Variants in EYA4 observed in about 807,000 individuals in gnomAD.
The protein encoded by EYA4 is EYA transcriptional coactivator and phosphatase 4, also known as protein phosphatase EYA4.
EYA4 carries 31 observed loss-of-function variants against 87.9 expected under a neutral mutation model. That is an observed-to-expected ratio of 0.35 (90% CI 0.27 to 0.48). The LOEUF (loss-of-function observed/expected upper bound fraction) is 0.48, where lower values mean the gene tolerates loss of function less well. Ranked by LOEUF, EYA4 falls within the 20% of genes least tolerant of loss-of-function variation. The probability of loss-of-function intolerance (pLI) is 0.99; values close to 1 mark genes in which losing one functional copy is unlikely to be tolerated. For synonymous variants in EYA4, 263 were observed against 270.6 expected (o/e 0.97, Z 0.28); for missense variants, 678 against 761.4 (o/e 0.89, Z 1.29).
At chr6:133,244,627 T>TA (rs5880167) in intron 1 of EYA4, among the ~76,000 whole-genome samples, 37,379 of 145,432 alleles carry the variant, frequency 0.26, 4,827 homozygotes, top group Non-Finnish European at 0.27. Flanking sequence ...CTCTTTGGGT[T>TA]AAAAAAAAAA....
intron 3 of EYA4, among the ~76,000 whole-genome samples, chr6:133,385,408 T>G: frequency 7.0e-6 from 1 of 142,254 alleles, no homozygotes; most frequent in South Asian, 2.2e-4. Context: ...TGTGTGTGTG[T>G]GTGTGTGTGT....
chr6:133,309,274 A>G (rs1266167907), intron 2 of EYA4, among the ~76,000 whole-genome samples: 2 of 152,234 alleles, frequency 1.3e-5, no homozygotes, highest in Admixed American at 6.5e-5. Context: ...AAGATATTGA[A>G]GTTGAGGTTT....
At chr6:133,510,248 A>G (rs3777885) in intron 14 of EYA4, 4,525 of 153,892 alleles carry the variant, frequency 0.029, 259 homozygotes, top group East Asian at 0.18. Flanking sequence ...AGGGAAATTT[A>G]CAAGGATTCC....
chr6:133,311,539 A>T (rs1780218971), intron 2 of EYA4, among the ~76,000 whole-genome samples: 1 of 151,540 alleles, frequency 6.6e-6, no homozygotes, highest in African/African-American at 2.4e-5. Context: ...GGCTGGTCTC[A>T]AAAACCTGGG....
chr6:133,408,793 AC>A (rs1436322888), intron 3 of EYA4, among the ~76,000 whole-genome samples: 1 of 152,204 alleles, frequency 6.6e-6, no homozygotes, highest in Non-Finnish European at 1.5e-5. Context: ...CATGGTATTC[AC>A]CAGACAAGAA....
chr6:133,404,454 C>T (rs1036382672), intron 3 of EYA4, among the ~76,000 whole-genome samples: 2 of 152,076 alleles, frequency 1.3e-5, no homozygotes, highest in Non-Finnish European at 1.5e-5. Context: ...AGTAGCTACT[C>T]CTAGTTTAAT....
rs1792870627 is a variant in EYA4 at position 133,446,630 on chromosome 6, G to T, written c.84G>T (p.Arg28Ser). The T allele has an allele frequency of 6.2e-7, 1 of 1,613,910 alleles. No individual in the cohort carries two copies. The highest frequency in any genetic ancestry group is 8.5e-7 in the Non-Finnish European group (1 of 1,179,898). The change falls in exon 4 of 20, where the codon AGG becomes AGT. Residue 28 changes from arginine (R) to serine (S), a missense_variant and splice_region_variant. Coordinates refer to ENST00000355286, the MANE Select transcript of EYA4 (RefSeq NM_004100.5). ...ESDVSQSQNS[R>S]SMEMQDLASP... ...TCTCTGCTGCTTACTGCTCTACCAG[G>T]TCTATGGAAATGCAGGACCTAGCAA...
At chr6:133,288,121 G>A (rs1778213793) in intron 2 of EYA4, among the ~76,000 whole-genome samples, 1 of 150,070 alleles carries the variant, frequency 6.7e-6, no homozygotes, top group African/African-American at 2.4e-5. Flanking sequence ...GCGACAGAGT[G>A]AGACTCCATT....
chr6:133,415,482 C>G (rs1189686701), intron 3 of EYA4, among the ~76,000 whole-genome samples: 1 of 152,162 alleles, frequency 6.6e-6, no homozygotes, highest in African/African-American at 2.4e-5. Context: ...GACGTGCCTC[C>G]TCTCACAGCC....
intron 3 of EYA4, among the ~76,000 whole-genome samples, chr6:133,443,668 C>A (rs956188323): frequency 5.9e-5 from 9 of 152,050 alleles, no homozygotes; most frequent in Non-Finnish European, 1.0e-4. Context: ...GTATAAACTT[C>A]TCATTAATCA....
chr6:133,529,766 C>CT lies in EYA4; in HGVS notation c.*963dup. On this transcript the variant is annotated 3_prime_UTR_variant, in exon 20 of 20. Transcript: ENST00000355286. ...TTTGGGAAAGACTGTGGGACCTTTA[C>CT]TTAGAAAGTGAAATGTATGTAGAAG... The CT allele has an allele frequency of 1.0e-6, 1 of 985,040 alleles. No homozygotes were observed. The highest frequency in any genetic ancestry group is 1.2e-6 in the Non-Finnish European group (1 of 829,622). The allele number at this position is 985,040 out of a possible 1,614,324, so 61.0% of individuals were successfully genotyped here. A position where few individuals can be genotyped will look rare whatever the true frequency, so the allele number is the denominator to read the frequency against.
intron 2 of EYA4, among the ~76,000 whole-genome samples, chr6:133,363,829 T>C (rs1784654909): frequency 1.3e-5 from 2 of 152,152 alleles, no homozygotes; most frequent in African/African-American, 4.8e-5. Flanking sequence ...GTCATACTCA[T>C]TGAATAACAA....
chr6:133,381,327 TTTTGTGAGTTTG>T (rs2128479121), intron 2 of EYA4, among the ~76,000 whole-genome samples: 1 of 152,158 alleles, frequency 6.6e-6, no homozygotes, highest in Non-Finnish European at 1.5e-5. Flanking sequence ...AATGTAGGGT[TTTTGTGAGTTTG>T]TTTGTTAAGG....
intron 13 of EYA4, among the ~76,000 whole-genome samples, chr6:133,488,054 G>A (rs928047085): frequency 6.6e-6 from 1 of 152,308 alleles, no homozygotes; most frequent in Admixed American, 6.5e-5. Flanking sequence ...CAAGCTGACT[G>A]AAGAGCCCTT....
intron 2 of EYA4, among the ~76,000 whole-genome samples, chr6:133,336,638 A>G (rs990202794): frequency 6.6e-6 from 1 of 152,202 alleles, no homozygotes; most frequent in Non-Finnish European, 1.5e-5. Flanking sequence ...CCTTCTTAGT[A>G]CAATTGGAGA....
chr6:133,297,798 T>C (rs1160909781), intron 2 of EYA4, among the ~76,000 whole-genome samples: 4 of 152,242 alleles, frequency 2.6e-5, no homozygotes, highest in Non-Finnish European at 5.9e-5. Context: ...CTTGCTGACA[T>C]GCAACGTTGT....
intron 18 of EYA4, among the ~76,000 whole-genome samples, chr6:133,524,069 T>A (rs1339094567): frequency 6.6e-6 from 1 of 152,142 alleles, no homozygotes. Flanking sequence ...AGAGCCAAGC[T>A]TCCGTAGAGT....
rs1251670089 is a variant in EYA4 at position 133,531,385 on chromosome 6, CT to C, written c.*2581del. ...ATAGAAAATCCTCTTCCTTTCTAAT[CT>C]GAAAAACGAAAACTGAACAAACACA... On this transcript the variant is annotated 3_prime_UTR_variant, in exon 20 of 20. Transcript: ENST00000355286. 5 of 592,842 alleles carry C rather than the reference CT, an allele frequency of 8.4e-6. No homozygotes were observed. Among genetic ancestry groups the C allele is most frequent in the African/African-American group, 3.7e-5 (2 of 53,354 alleles). 36.7% of individuals were successfully genotyped at this position (592,842 alleles called of 1,614,324 possible). A position where few individuals can be genotyped will look rare whatever the true frequency, so the allele number is the denominator to read the frequency against.
In EYA4 at chr6:133,531,101, C is replaced by A; in HGVS notation, c.*2296C>A. 2 of 1,481,962 alleles carry A rather than the reference C, an allele frequency of 1.3e-6. No homozygotes were observed. The highest frequency in any genetic ancestry group is 2.6e-5 in the South Asian group (2 of 75,644). The allele number at this position is 1,481,962 out of a possible 1,614,324, so 91.8% of individuals were successfully genotyped here. A position where few individuals can be genotyped will look rare whatever the true frequency, so the allele number is the denominator to read the frequency against. On this transcript the variant is annotated 3_prime_UTR_variant, in exon 20 of 20. Coordinates refer to ENST00000355286, the MANE Select transcript of EYA4 (RefSeq NM_004100.5). ...AGCAAGGCTTTTTATGCTGCTAAGT[C>A]TGTGGGTGCAGAAAGAAACACCCCT...
Sources: gnomAD v4.1 joint callset for allele counts (sites outside exome capture counted in the v4.1 genomes callset) on GRCh38, gnomAD v4.1.1 for gene constraint, MANE v1.5 for transcripts, NCBI Gene and HGNC (gene_info 2026-07-23, HGNC 2026-07-21) for gene names.